The following LOC400499 variants were observed in gnomAD, a reference collection of about 807,000 sequenced individuals.
At chr16:11,448,515 AAAACAAACAAACAAACAAACAAAC>A in the LOC400499 span, among the ~76,000 whole-genome samples, 14 of 56,090 alleles carry the variant, frequency 2.5e-4, no homozygotes, top group African/African-American at 7.6e-4. Context: ...CGTGTCTGCT[AAAACAAACAAACAAACAAACAAAC>A]AAACAAACAA....
chr16:11,388,046 G>C, the LOC400499 span, among the ~76,000 whole-genome samples: 1 of 152,222 alleles, frequency 6.6e-6, no homozygotes, highest in South Asian at 2.1e-4. Flanking sequence ...GGGGTATAGT[G>C]GGAAGACAAA....
chr16:11,501,549 G>T, the LOC400499 span, among the ~76,000 whole-genome samples: 94,529 of 151,804 alleles, frequency 0.62, 29,715 homozygotes, highest in Admixed American at 0.71. Context: ...TAGAGATGGG[G>T]GCATTGCTAT....
the LOC400499 span, chr16:11,440,855 T>G: frequency 1.8e-5 from 7 of 398,714 alleles, no homozygotes; most frequent in Non-Finnish European, 3.1e-5. Flanking sequence ...TGGGAAGAAA[T>G]AGACAACACC....
the LOC400499 span, among the ~76,000 whole-genome samples, chr16:11,445,472 G>T: frequency 6.6e-6 from 1 of 152,110 alleles, no homozygotes; most frequent in Non-Finnish European, 1.5e-5. Context: ...GGTAAGCACG[G>T]GTCTGTGTGA....
At chr16:11,456,210 A>G in the LOC400499 span, among the ~76,000 whole-genome samples, 1 of 151,912 alleles carries the variant, frequency 6.6e-6, no homozygotes, top group Non-Finnish European at 1.5e-5. Flanking sequence ...ACACATGGCT[A>G]ATTTTTGTAT....
chr16:11,414,707 G>T, the LOC400499 span, among the ~76,000 whole-genome samples: 1 of 152,232 alleles, frequency 6.6e-6, no homozygotes, highest in African/African-American at 2.4e-5. Context: ...GTCATAATTT[G>T]TCCCTGAGGA....
the LOC400499 span, chr16:11,391,802 C>G: frequency 1.6e-6 from 2 of 1,232,204 alleles, no homozygotes; most frequent in Non-Finnish European, 2.0e-6. Context: ...CCTCCCGCCC[C>G]GCCTGGGACA....
chr16:11,397,241 GTT>G, the LOC400499 span, among the ~76,000 whole-genome samples: 1 of 152,166 alleles, frequency 6.6e-6, no homozygotes, highest in East Asian at 1.9e-4. Flanking sequence ...GGAAACTATG[GTT>G]TGGGGCCGAA....
At chr16:11,400,821 G>A in the LOC400499 span, among the ~76,000 whole-genome samples, 39 of 152,170 alleles carry the variant, frequency 2.6e-4, no homozygotes, top group African/African-American at 9.2e-4. Flanking sequence ...TCTGGAGAGC[G>A]TCTTTTGCCT....
At chr16:11,462,318 G>C in the LOC400499 span, 1 of 1,462,558 alleles carries the variant, frequency 6.8e-7, no homozygotes, top group Non-Finnish European at 9.0e-7. Context: ...AACGGCCTCA[G>C]TGTCACCTGG....
chr16:11,383,931 G>A, the LOC400499 span: 9 of 1,231,950 alleles, frequency 7.3e-6, no homozygotes, highest in South Asian at 8.2e-5. Flanking sequence ...CCTCGAAGAA[G>A]GCCCAGCAGG....
the LOC400499 span, among the ~76,000 whole-genome samples, chr16:11,445,031 G>A: frequency 6.6e-6 from 1 of 151,856 alleles, no homozygotes; most frequent in Non-Finnish European, 1.5e-5. Context: ...CAAGGCTACA[G>A]TGAGCTGAGA....
chr16:11,398,912 G>A, the LOC400499 span, among the ~76,000 whole-genome samples: 23 of 152,126 alleles, frequency 1.5e-4, no homozygotes, highest in African/African-American at 5.1e-4. Flanking sequence ...CCAAAGTGCT[G>A]GGATTACAGG....
the LOC400499 span, among the ~76,000 whole-genome samples, chr16:11,527,313 T>G: frequency 6.6e-6 from 1 of 150,998 alleles, no homozygotes; most frequent in African/African-American, 2.4e-5. Flanking sequence ...GAAGGGGAGG[T>G]GGGGGGCATT....
At chr16:11,454,340 T>C in the LOC400499 span, among the ~76,000 whole-genome samples, 1 of 152,210 alleles carries the variant, frequency 6.6e-6, no homozygotes, top group South Asian at 2.1e-4. Flanking sequence ...GAAGTCTTAA[T>C]CCCCAATCCC....
chr16:11,408,333 A>G, the LOC400499 span, among the ~76,000 whole-genome samples: 548 of 152,126 alleles, frequency 3.6e-3, 3 homozygotes, highest in African/African-American at 0.012. Context: ...CGTTAGTGAT[A>G]CCCCTTGTCA....
At chr16:11,442,007 G>C in the LOC400499 span, among the ~76,000 whole-genome samples, 1 of 152,132 alleles carries the variant, frequency 6.6e-6, no homozygotes, top group Admixed American at 6.5e-5. Context: ...CAATCATTTA[G>C]CTTCTGCCAC....
chr16:11,423,907 ATGGTGCAGCCCCAGCACCAGCCCC>A, the LOC400499 span, among the ~76,000 whole-genome samples: 1 of 152,124 alleles, frequency 6.6e-6, no homozygotes, highest in Admixed American at 6.5e-5. Flanking sequence ...CCGAGAGGCC[ATGGTGCAGCCCCAGCACCAGCCCC>A]TGGCGGCCAC....
At chr16:11,386,154 G>C in the LOC400499 span, among the ~76,000 whole-genome samples, 2 of 152,212 alleles carry the variant, frequency 1.3e-5, no homozygotes, top group African/African-American at 4.8e-5. Context: ...ACACAAGACT[G>C]GTGTCCTGCA....
Sources: gnomAD v4.1 joint callset for allele counts (sites outside exome capture counted in the v4.1 genomes callset) on GRCh38, gnomAD v4.1.1 for gene constraint, MANE v1.5 for transcripts.